The following DNAH6 variants were observed in gnomAD, a reference collection of about 807,000 sequenced individuals.
DNAH6 encodes dynein axonemal heavy chain 6, also known as axonemal beta dynein heavy chain 6.
In DNAH6, 340 loss-of-function variants were observed where a neutral mutation model predicts 491.4. That is an observed-to-expected ratio of 0.69 (90% CI 0.63 to 0.76). The LOEUF (loss-of-function observed/expected upper bound fraction) is 0.76. Among genes scored for constraint, DNAH6 ranks in the 30% least tolerant of loss-of-function variants. The pLI, the probability that DNAH6 is intolerant of heterozygous loss-of-function variation, is 0.00. For missense variants in DNAH6, 4,443 were observed against 4,972.2 expected (o/e 0.89, Z 3.20); for synonymous variants, 1,603 against 1,686.1 (o/e 0.95, Z 1.21).
intron 16 of DNAH6, among the ~76,000 whole-genome samples, chr2:84,593,149 C>G (rs569323707): frequency 1.3e-5 from 2 of 152,234 alleles, no homozygotes; most frequent in South Asian, 4.1e-4. Flanking sequence ...AAACACAGAA[C>G]CTGAAATGAA....
chr2:84,640,592 G>T lies in DNAH6; in HGVS notation c.4970+14G>T. The T allele has an allele frequency of 6.5e-7, 1 of 1,538,464 alleles. No individual in the cohort carries two copies. Among genetic ancestry groups the T allele is most frequent in the Non-Finnish European group, 8.8e-7 (1 of 1,141,610 alleles). The stretch of plus-strand genomic sequence containing the variant: ...GGTCATGGCTGGGTAAGAAACCAAA[G>T]TAGTCAAGAGTGAAATCCCAAACCA... On this transcript the variant is annotated intron_variant, in intron 32 of 76. Transcript: ENST00000389394.
At chr2:84,593,683 A>G (rs1192103894) in intron 16 of DNAH6, among the ~76,000 whole-genome samples, 2 of 152,188 alleles carry the variant, frequency 1.3e-5, no homozygotes, top group Non-Finnish European at 2.9e-5. Flanking sequence ...CCAACTCAAA[A>G]AAGTGTTACT....
intron 73 of DNAH6, 48 bp from the exon 74 acceptor site, chr2:84,813,010 A>G: frequency 6.7e-7 from 1 of 1,496,622 alleles, no homozygotes. Context: ...TTAGAAAACA[A>G]ATTCCATCCC....
intron 21 of DNAH6, among the ~76,000 whole-genome samples, chr2:84,610,977 A>C (rs1414885998): frequency 6.6e-6 from 1 of 152,210 alleles, no homozygotes; most frequent in Admixed American, 6.5e-5. Context: ...CAAACCAGGA[A>C]GTGGTTGTAA....
intron 31 of DNAH6, among the ~76,000 whole-genome samples, chr2:84,639,533 C>T (rs549815992): frequency 2.0e-5 from 3 of 151,914 alleles, no homozygotes; most frequent in East Asian, 3.9e-4. Context: ...AGTCTCCTAC[C>T]TCAGCCTCCC....
At chr2:84,539,857 C>T (rs1469494918) in intron 4 of DNAH6, among the ~76,000 whole-genome samples, 1 of 152,084 alleles carries the variant, frequency 6.6e-6, no homozygotes, top group Non-Finnish European at 1.5e-5. Context: ...GTTAATCAAA[C>T]CAGAAGTAAA....
chr2:84,468,517 G>A, the DNAH6 span, among the ~76,000 whole-genome samples: 7 of 152,154 alleles, frequency 4.6e-5, no homozygotes, highest in Non-Finnish European at 1.0e-4. Context: ...CCAAATGACT[G>A]ATATTTCTGG....
At chr2:84,712,281 T>C (rs1697117635) in intron 56 of DNAH6, among the ~76,000 whole-genome samples, 1 of 152,260 alleles carries the variant, frequency 6.6e-6, no homozygotes, top group African/African-American at 2.4e-5. Context: ...AAACTTTTGT[T>C]TGAAGAATTT....
chr2:84,717,707 A>G (rs1166612008), intron 58 of DNAH6, among the ~76,000 whole-genome samples: 4 of 152,242 alleles, frequency 2.6e-5, no homozygotes, highest in East Asian at 1.9e-4. Flanking sequence ...GAAGGGAGAT[A>G]TAAGTTCACC....
chr2:84,605,421 T>C (rs1328424525), intron 19 of DNAH6, 79 bp from the exon 20 acceptor site: 1 of 988,130 alleles, frequency 1.0e-6, no homozygotes. Context: ...GGAGTTTTTA[T>C]TTATTTCATT....
At chr2:84,578,295 GTA>G (rs1682672694) in intron 13 of DNAH6, among the ~76,000 whole-genome samples, 1 of 152,044 alleles carries the variant, frequency 6.6e-6, no homozygotes, top group Non-Finnish European at 1.5e-5. Context: ...ATATAATTAT[GTA>G]TATAATTGGA....
chr2:84,784,782 C>A lies in DNAH6; in HGVS notation c.10925C>A (p.Pro3642His). The A allele has an allele frequency of 1.3e-6, 2 of 1,550,114 alleles. No individual in the cohort carries two copies. Among genetic ancestry groups the A allele is most frequent in the Non-Finnish European group, 1.7e-6 (2 of 1,145,726 alleles). ...AGCTCCATGCCTAGTAATACATTTCCTGTTACAGTTCTTCAAAATTCTGTC... is the reference window on the plus strand; with the variant it reads ...AGCTCCATGCCTAGTAATACATTTCATGTTACAGTTCTTCAAAATTCTGTC... ...FLSSMPSNTF[P>H]VTVLQNSVKV... The change falls in exon 66 of 77, where the codon CCT becomes CAT. Residue 3642 changes from proline (P) to histidine (H), a missense_variant. Pro to His is a moderately conservative substitution (Grantham distance 77, BLOSUM62 -2). This residue lies in a region of DNAH6 where 1,463 missense variants were observed against 1,656.6 expected (regional missense o/e 0.88). Coordinates refer to ENST00000389394, the MANE Select transcript of DNAH6 (RefSeq NM_001370.2).
chr2:84,692,770 A>G (rs1210578644), intron 45 of DNAH6, among the ~76,000 whole-genome samples: 1 of 152,188 alleles, frequency 6.6e-6, no homozygotes, highest in Non-Finnish European at 1.5e-5. Flanking sequence ...TCTTCAAGGA[A>G]TCTTTTAGGG....
rs762317244 is a variant in DNAH6, at chr2:84,705,600, T to C, written c.8580T>C (p.Tyr2860=). 10 of 1,551,536 alleles carry C rather than the reference T, an allele frequency of 6.4e-6. No individual in the cohort carries two copies. The African/African-American group carries it at 9.6e-5, about 15-fold the overall frequency. The change falls in exon 52 of 77, where the codon TAT becomes TAC. Residue 2860 remains tyrosine (Y), a synonymous_variant. Coordinates refer to ENST00000389394, the MANE Select transcript of DNAH6 (RefSeq NM_001370.2). Reference sequence around the variant, plus strand: ...AGATATTGGCAAAGCTTCAAAAGTATATTAATAATCCTGATTTTGTGCCTG... The same window carrying C: ...AGATATTGGCAAAGCTTCAAAAGTACATTAATAATCCTGATTTTGTGCCTG... ...KPQILAKLQK[Y]INNPDFVPEK... is the part of the protein sequence containing the mutation.
At chr2:84,522,994 G>T (rs909523662) in intron 2 of DNAH6, among the ~76,000 whole-genome samples, 5 of 152,120 alleles carry the variant, frequency 3.3e-5, no homozygotes, top group Non-Finnish European at 7.4e-5. Context: ...ATGAGTTAGG[G>T]AAGAGTCCCC....
At chr2:84,789,219 A>C (rs527665866) in intron 68 of DNAH6, among the ~76,000 whole-genome samples, 2 of 152,338 alleles carry the variant, frequency 1.3e-5, no homozygotes, top group South Asian at 4.1e-4. Context: ...AGAAAAAATT[A>C]ATCTTGTTCA....
chr2:84,476,580 T>C, the DNAH6 span, among the ~76,000 whole-genome samples: 1 of 152,234 alleles, frequency 6.6e-6, no homozygotes, highest in Admixed American at 6.5e-5. Flanking sequence ...CATCCTCCTC[T>C]TCTTCATCTG....
chr2:84,722,336 C>G (rs1698241544), intron 59 of DNAH6, among the ~76,000 whole-genome samples: 1 of 152,112 alleles, frequency 6.6e-6, no homozygotes, highest in Non-Finnish European at 1.5e-5. Flanking sequence ...GTTTGCATTG[C>G]AGGAGTAATT....
intron 57 of DNAH6, among the ~76,000 whole-genome samples, chr2:84,714,256 T>C (rs1436772671): frequency 6.6e-6 from 1 of 152,256 alleles, no homozygotes; most frequent in Non-Finnish European, 1.5e-5. Flanking sequence ...CTCATAGCTA[T>C]CTGTCTTCAC....
Sources: allele counts gnomAD v4.1 joint callset (sites outside exome capture counted in the v4.1 genomes callset), GRCh38; gene constraint gnomAD v4.1.1; regional missense constraint gnomAD v4.1.1; transcripts MANE v1.5; gene names NCBI Gene and HGNC (gene_info 2026-07-23, HGNC 2026-07-21).